The following USP16 variants were observed in gnomAD, a reference collection of about 807,000 sequenced individuals.
USP16 encodes ubiquitin carboxyl-terminal hydrolase 16.
USP16 carries 77 observed loss-of-function variants against 95.9 expected under a neutral mutation model. The ratio of observed to expected loss-of-function variants is 0.80; its 90% CI spans 0.67 to 0.97. The LOEUF is 0.97. Among genes scored for constraint, USP16 ranks in the 50% least tolerant of loss-of-function variants. The pLI, the probability that USP16 is intolerant of heterozygous loss-of-function variation, is 0.00. For synonymous variants in USP16, 303 were observed against 318.2 expected, an observed-to-expected ratio of 0.95 and a Z score of 0.51; for missense variants, 943 against 959.9, an observed-to-expected ratio of 0.98 and a Z score of 0.23.
intron 13 of USP16, 25 bp from the exon 14 acceptor site, chr21:29,046,642 T>G: frequency 6.4e-7 from 1 of 1,561,354 alleles, no homozygotes; most frequent in Non-Finnish European, 8.6e-7. Context: ...TCTTTATTTT[T>G]TGATGCCGTA....
chr21:29,036,286 T>C lies in USP16; in HGVS notation c.360T>C (p.Asp120=). The change falls in exon 5 of 18, where the codon GAT becomes GAC. Residue 120 remains aspartate (D), a synonymous_variant. Coordinates refer to ENST00000399976, the MANE Select transcript of USP16 (RefSeq NM_006447.3). ...DNWSVWCYVC[D]NEVQYCSSNQ... ...TGGGTCACAGGTGTTACGTATGTGA[T>C]AATGAGGTCCAGTATTGTAGTTCAA... 6.2e-7 allele frequency: 1 copy of C among 1,611,990 alleles called. No homozygotes were observed.
intron 11 of USP16, 40 bp downstream of exon 11, chr21:29,042,144 T>G (rs1405779551): frequency 1.3e-6 from 2 of 1,523,360 alleles, no homozygotes; most frequent in Non-Finnish European, 1.8e-6. Flanking sequence ...TTTGCTAATA[T>G]TCAACAGTTT....
rs776708140 is a variant in USP16, at chr21:29,042,073, C to G, written c.1091C>G (p.Thr364Ser). 2.5e-6 allele frequency: 4 copies of G among 1,613,224 alleles called. No individual in the cohort carries two copies. In the South Asian group the frequency reaches 4.4e-5, roughly 18 times the overall value. The part of the protein sequence containing the change: ...FVDRIFGGEL[T>S]SMIMCDQCRT... The stretch of plus-strand genomic sequence containing the variant: ...GACCGCATCTTTGGTGGTGAACTAA[C>G]TAGTATGATCATGTGTGATCAATGC... Residue 364 changes from threonine (T) to serine (S), a missense_variant, in exon 11 of 18, where the codon ACT becomes AGT. Thr to Ser is a moderately conservative substitution (Grantham distance 58). Transcript: ENST00000399976.
In USP16 at chr21:29,037,518, G is replaced by T. The variant is rs1376111145; in HGVS notation, c.636+55G>T. The T allele has an allele frequency of 1.0e-5, 14 of 1,338,506 alleles. No homozygotes were observed. The Admixed American group carries it at 3.1e-4, about 30-fold the overall frequency. 82.9% of individuals were successfully genotyped at this position (1,338,506 alleles called of 1,614,324 possible). A position where few individuals can be genotyped will look rare whatever the true frequency, so the allele number is the denominator to read the frequency against. On this transcript the variant is annotated intron_variant, in intron 6 of 17. Transcript: ENST00000399976. ...AGCTGTCCTTTTCCTCATAGAATCT[G>T]CTACTTACATTATTGAGTTTTTTCC... is the stretch of plus-strand genomic sequence containing the variant.
Position 29,034,939 on chromosome 21 carries a change from T to C in USP16, c.343T>C (p.Trp115Arg). ...TCTTAGTTTGGACAACTGGAGTGTA[T>C]GGTGAGTTTCAGTTCCTCTGCCTCT... ...LVLSLDNWSV[W>R]CYVCDNEVQY... Residue 115 changes from tryptophan to arginine, a missense_variant and splice_region_variant, in exon 4 of 18, where the codon TGG becomes CGG. Coordinates refer to ENST00000399976, the MANE Select transcript of USP16 (RefSeq NM_006447.3). 3 of 1,612,738 alleles carry C rather than the reference T, an allele frequency of 1.9e-6. No individual in the cohort carries two copies. Among genetic ancestry groups the C allele is most frequent in the Non-Finnish European group, 2.5e-6 (3 of 1,178,938 alleles).
At chr21:29,039,408 T>G in intron 8 of USP16, 73 bp from the exon 9 acceptor site, 1 of 1,509,510 alleles carries the variant, frequency 6.6e-7, no homozygotes, top group Non-Finnish European at 9.0e-7. Flanking sequence ...GATATGATCC[T>G]AAGATTTTCT....
At chr21:29,053,094 T>C (rs1601079345) in intron 16 of USP16, 1 of 152,234 alleles carries the variant, frequency 6.6e-6, no homozygotes, top group East Asian at 1.9e-4. Flanking sequence ...GTGAGAATCA[T>C]AGATGGACGG....
intron 5 of USP16, among the ~76,000 whole-genome samples, chr21:29,036,752 ATTTC>A (rs2085162869): frequency 6.6e-6 from 1 of 152,208 alleles, no homozygotes; most frequent in Non-Finnish European, 1.5e-5. Context: ...ATGGTCAGAT[ATTTC>A]TTAGGTTCTT....
At chr21:29,051,473 C>CT (rs2085412711) in intron 16 of USP16, among the ~76,000 whole-genome samples, 2 of 152,138 alleles carry the variant, frequency 1.3e-5, no homozygotes, top group South Asian at 4.1e-4. Flanking sequence ...TCCTAAGTAT[C>CT]TGAGTGGAAG....
At chr21:29,047,435 T>C (rs2085344309) in intron 14 of USP16, 114 bp downstream of exon 14, 1 of 1,180,896 alleles carries the variant, frequency 8.5e-7, no homozygotes, top group Non-Finnish European at 1.2e-6. Context: ...TAAGTGTCCT[T>C]TTCTGTGTAA....
chr21:29,049,554 C>A (rs1452504494), intron 15 of USP16, among the ~76,000 whole-genome samples: 1 of 152,150 alleles, frequency 6.6e-6, no homozygotes, highest in Non-Finnish European at 1.5e-5. Flanking sequence ...AATTTTCTCA[C>A]GAGAAAAGTT....
At chr21:29,033,243 C>A (rs1454892254) in intron 3 of USP16, among the ~76,000 whole-genome samples, 1 of 152,096 alleles carries the variant, frequency 6.6e-6, no homozygotes, top group African/African-American at 2.4e-5. Context: ...GCTAATGATT[C>A]TTAACTGTTG....
intron 2 of USP16, among the ~76,000 whole-genome samples, chr21:29,028,731 G>A (rs974690587): frequency 2.0e-5 from 3 of 152,146 alleles, no homozygotes; most frequent in Admixed American, 6.5e-5. Context: ...CACCGCGCCC[G>A]ACCTTCAACA....
chr21:29,041,777 T>G (rs949259598), intron 10 of USP16, among the ~76,000 whole-genome samples: 9 of 152,294 alleles, frequency 5.9e-5, no homozygotes, highest in Non-Finnish European at 1.3e-4. Context: ...GGATAAGGAC[T>G]TTTTTGTCTT....
chr21:29,034,823 T>G lies in USP16; in HGVS notation c.241-14T>G. 2 of 1,613,694 alleles carry G rather than the reference T, an allele frequency of 1.2e-6. No individual in the cohort carries two copies. Among genetic ancestry groups the G allele is most frequent in the South Asian group, 1.1e-5 (1 of 91,066 alleles). ...TTTTTATGGCTTTGAGGTTTATGAT[T>G]ATGATTTTTTTAGGGCTGTGGCAGA... On this transcript the variant is annotated splice_polypyrimidine_tract_variant and intron_variant, in intron 3 of 17. Coordinates refer to ENST00000399976, the MANE Select transcript of USP16 (RefSeq NM_006447.3).
At chr21:29,026,322 G>T (rs954005592) in intron 1 of USP16, among the ~76,000 whole-genome samples, 2 of 152,008 alleles carry the variant, frequency 1.3e-5, no homozygotes, top group Non-Finnish European at 2.9e-5. Context: ...CGGGTGTGGT[G>T]GTGGGCGTCT....
chr21:29,042,084 A>G lies in USP16; in HGVS notation c.1102A>G (p.Met368Val), dbSNP rs773191225. Reference protein sequence around the residue: ...IFGGELTSMIMCDQCRTVSLV... With the variant: ...IFGGELTSMIVCDQCRTVSLV... ...TGGTGGTGAACTAACTAGTATGATC[A>G]TGTGTGATCAATGCAGAACTGTAAG... Residue 368 changes from methionine to valine, a missense_variant, in exon 11 of 18, where the codon ATG becomes GTG. Met to Val is a conservative substitution (Grantham distance 21). Transcript: ENST00000399976. The G allele has an allele frequency of 2.0e-5, 32 of 1,613,120 alleles. No individual in the cohort carries two copies. The highest frequency in any genetic ancestry group is 5.0e-5 in the Admixed American group (3 of 59,936).
rs753131139 is a variant in USP16, at chr21:29,038,326, A to G, written c.637-9A>G. 9 of 1,577,948 alleles carry G rather than the reference A, an allele frequency of 5.7e-6. No individual in the cohort carries two copies. In the Admixed American group the frequency reaches 7.0e-5, roughly 12 times the overall value. On this transcript the variant is annotated splice_polypyrimidine_tract_variant and intron_variant, in intron 6 of 17. Transcript: ENST00000399976. The stretch of plus-strand genomic sequence containing the variant: ...AATTTTTCTCTTTTTTTTTCACCCT[A>G]CATTCTAGAACTTGTCACAAACACC...
chr21:29,044,204 G>A (rs976396243), intron 13 of USP16, among the ~76,000 whole-genome samples: 4 of 152,114 alleles, frequency 2.6e-5, no homozygotes, highest in African/African-American at 9.7e-5. Context: ...AAAGTGCTGG[G>A]ATTACAGGCA....
Sources: allele counts gnomAD v4.1 joint callset (sites outside exome capture counted in the v4.1 genomes callset), GRCh38; gene constraint gnomAD v4.1.1; transcripts MANE v1.5; gene names NCBI Gene and HGNC (gene_info 2026-07-23, HGNC 2026-07-21).